Variants in KLF8 observed in about 807,000 individuals in gnomAD.
KLF8 encodes KLF transcription factor 8.
In KLF8, 10 loss-of-function variants were observed where a neutral mutation model predicts 18.2. That is an observed-to-expected ratio of 0.55 (90% CI 0.34 to 0.93). KLF8 has a LOEUF of 0.93. Among genes scored for constraint, KLF8 ranks in the 40% least tolerant of loss-of-function variants. The probability of loss-of-function intolerance (pLI) is 0.02; values close to 1 mark genes in which losing one functional copy is unlikely to be tolerated. For synonymous variants in KLF8, 109 were observed against 97.3 expected, an observed-to-expected ratio of 1.12 and a Z score of -0.71; for missense variants, 264 against 277.9, an observed-to-expected ratio of 0.95 and a Z score of 0.36.
At chrX:56,083,823 C>A in the KLF8 span, among the ~76,000 whole-genome samples, 1 of 111,422 alleles carries the variant, frequency 9.0e-6, no homozygotes. Flanking sequence ...ATGTTGCAGG[C>A]TCCTTATGAG....
chrX:56,260,364 TTAAAA>T (rs1286467827), intron 2 of KLF8, among the ~76,000 whole-genome samples: 47 of 112,261 alleles, frequency 4.2e-4, no homozygotes, highest in South Asian at 1.1e-3. Context: ...AGCATAAATA[TTAAAA>T]TAAAATAACT....
At chrX:56,164,102 A>AT in the KLF8 span, among the ~76,000 whole-genome samples, 5 of 109,613 alleles carry the variant, frequency 4.6e-5, no homozygotes, top group Admixed American at 2.9e-4. Context: ...TATGAATTTT[A>AT]TTTTTTATTT....
the KLF8 span, among the ~76,000 whole-genome samples, chrX:56,225,758 T>A: frequency 8.9e-6 from 1 of 112,245 alleles, no homozygotes; most frequent in South Asian, 3.7e-4. Flanking sequence ...GAGGCCCAGA[T>A]AGGTTAAGTA....
chrX:56,090,280 C>T, the KLF8 span, among the ~76,000 whole-genome samples: 1 of 111,840 alleles, frequency 8.9e-6, no homozygotes, highest in African/African-American at 3.3e-5. Context: ...GTCAATCCAA[C>T]CTAACTGCTA....
In KLF8 at chrX:56,290,358, T is replaced by A. The variant is rs1173586994; in HGVS notation, c.*5864T>A. Reference sequence around the variant, plus strand: ...ATAATGATAGTTATAGTACCTTATATTTACCCTATGTAAAAGAGAAGATTA... The same window carrying A: ...ATAATGATAGTTATAGTACCTTATAATTACCCTATGTAAAAGAGAAGATTA... On this transcript the variant is annotated 3_prime_UTR_variant, in exon 6 of 6. Transcript: ENST00000468660. Among the ~76,000 whole-genome samples the A allele has an allele frequency of 6.3e-5, 7 of 111,843 alleles. No individual in the cohort carries two copies. The highest frequency in any genetic ancestry group is 5.7e-4 in the Admixed American group (6 of 10,522).
the KLF8 span, among the ~76,000 whole-genome samples, chrX:56,139,195 G>C: frequency 8.9e-6 from 1 of 111,940 alleles, no homozygotes; most frequent in African/African-American, 3.2e-5. Flanking sequence ...CTCATGGATA[G>C]GAAGAATCAA....
At chrX:56,189,222 A>G in the KLF8 span, among the ~76,000 whole-genome samples, 14 of 112,029 alleles carry the variant, frequency 1.2e-4, no homozygotes, top group Admixed American at 1.0e-3. Context: ...ACATGAACAG[A>G]CACTTCTCAA....
chrX:56,182,280 C>T, the KLF8 span, among the ~76,000 whole-genome samples: 3 of 112,320 alleles, frequency 2.7e-5, no homozygotes, highest in African/African-American at 9.7e-5. Context: ...GCATTCGTCA[C>T]GTAGTTCTCG....
the KLF8 span, among the ~76,000 whole-genome samples, chrX:56,062,706 G>A: frequency 1.8e-4 from 20 of 110,864 alleles, no homozygotes; most frequent in Non-Finnish European, 3.2e-4. Context: ...TTGAATGTTG[G>A]CCTGTCTTGC....
chrX:56,129,513 G>A, the KLF8 span, among the ~76,000 whole-genome samples: 3 of 111,389 alleles, frequency 2.7e-5, no homozygotes, highest in Admixed American at 9.5e-5. Flanking sequence ...AGTAGGAAAA[G>A]CCCTGTGAGC....
chrX:56,011,957 G>A, the KLF8 span, among the ~76,000 whole-genome samples: 9 of 110,834 alleles, frequency 8.1e-5, no homozygotes, highest in African/African-American at 2.6e-4. Flanking sequence ...AATTCAGACC[G>A]TAATAATCTA....
At chrX:56,226,058 A>G in the KLF8 span, among the ~76,000 whole-genome samples, 1 of 112,215 alleles carries the variant, frequency 8.9e-6, no homozygotes, top group African/African-American at 3.2e-5. Context: ...AGGGCCCATT[A>G]GCCCAAACTG....
At chrX:56,201,273 CA>C in the KLF8 span, among the ~76,000 whole-genome samples, 46 of 111,887 alleles carry the variant, frequency 4.1e-4, no homozygotes, top group Admixed American at 3.6e-3. Flanking sequence ...AAATATTATT[CA>C]CCCTTTAAAA....
the KLF8 span, among the ~76,000 whole-genome samples, chrX:56,078,744 A>G: frequency 8.9e-6 from 1 of 111,736 alleles, no homozygotes; most frequent in African/African-American, 3.3e-5. Flanking sequence ...TACCTCTGGT[A>G]GAATTCGGCT....
At chrX:55,918,537 C>A in the KLF8 span, among the ~76,000 whole-genome samples, 1 of 112,432 alleles carries the variant, frequency 8.9e-6, no homozygotes, top group African/African-American at 3.2e-5. Flanking sequence ...GAAATTTATT[C>A]TCTCACAGTT....
At chrX:55,969,476 C>A in the KLF8 span, among the ~76,000 whole-genome samples, 1 of 111,118 alleles carries the variant, frequency 9.0e-6, no homozygotes, top group Non-Finnish European at 1.9e-5. Context: ...GAGTTTATAA[C>A]TATAAGCCAC....
the KLF8 span, among the ~76,000 whole-genome samples, chrX:55,987,553 G>A: frequency 8.9e-6 from 1 of 111,953 alleles, no homozygotes; most frequent in Non-Finnish European, 1.9e-5. Flanking sequence ...TGGCTGCATA[G>A]TATTCCATGG....
At chrX:55,976,125 C>T in the KLF8 span, among the ~76,000 whole-genome samples, 1 of 111,819 alleles carries the variant, frequency 8.9e-6, no homozygotes, top group Non-Finnish European at 1.9e-5. Flanking sequence ...AACAAAAAAA[C>T]ATGTATTCAT....
the KLF8 span, among the ~76,000 whole-genome samples, chrX:56,003,303 G>A: frequency 9.0e-6 from 1 of 110,653 alleles, no homozygotes; most frequent in Non-Finnish European, 1.9e-5. Context: ...CCAGCTACTC[G>A]GGAGGCTGAG....
Sources: allele counts gnomAD v4.1 joint callset (sites outside exome capture counted in the v4.1 genomes callset), GRCh38; gene constraint gnomAD v4.1.1; transcripts MANE v1.5; gene names NCBI Gene and HGNC (gene_info 2026-07-23, HGNC 2026-07-21).